Variants in LGALS9 observed in about 807,000 individuals in gnomAD.
The protein encoded by LGALS9 is galectin 9, also known as galectin-9.
Under a neutral mutation model 35.9 loss-of-function variants are expected in LGALS9, and 26 were observed. That is an observed-to-expected ratio of 0.72 (90% CI 0.53 to 1.01). LGALS9 has a LOEUF of 1.01. Ranked by LOEUF, LGALS9 falls within the 50% of genes least tolerant of loss-of-function variation. The pLI, the probability that LGALS9 is intolerant of heterozygous loss-of-function variation, is 0.00. For synonymous variants in LGALS9, 149 were observed against 172.2 expected (o/e 0.87, Z 1.06); for missense variants, 347 against 445.8 (o/e 0.78, Z 1.99).
At chr17:27,636,158 T>C (rs895329323) in intron 1 of LGALS9, among the ~76,000 whole-genome samples, 2 of 152,238 alleles carry the variant, frequency 1.3e-5, no homozygotes, top group Non-Finnish European at 2.9e-5. Context: ...CAGGGTTCTG[T>C]GTGGTCACAC....
At position 27,647,091 on chromosome 17, in the gene LGALS9, C is replaced by T. The variant is rs373382052; in HGVS notation, c.731C>T (p.Ser244Leu). Residue 244 changes from serine (S) to leucine (L), a missense_variant, in exon 9 of 11, where the codon TCA becomes TTA. Physicochemically the swap from Ser to Leu is moderately radical, Grantham distance 145. Coordinates refer to ENST00000395473, the MANE Select transcript of LGALS9 (RefSeq NM_009587.3). ...GLYPSKSILLSGTVLPSAQRF... is the reference protein window; with the variant it reads ...GLYPSKSILLLGTVLPSAQRF... The stretch of plus-strand genomic sequence containing the variant: ...TACCCATCCAAGTCCATCCTCCTGT[C>T]AGGCACTGTCCTGCCCAGTGCTCAG... 1 of 1,614,200 alleles carries T rather than the reference C, an allele frequency of 6.2e-7. No individual in the cohort carries two copies. The highest frequency in any genetic ancestry group is 1.1e-5 in the South Asian group (1 of 91,078).
chr17:27,646,084 G>T (rs1904918344), intron 7 of LGALS9, among the ~76,000 whole-genome samples, 173 bp downstream of exon 7: 2 of 152,184 alleles, frequency 1.3e-5, no homozygotes, highest in African/African-American at 4.8e-5. Flanking sequence ...CCTTGGGACA[G>T]CAGAGATTCT....
intron 3 of LGALS9, among the ~76,000 whole-genome samples, chr17:27,641,298 C>T (rs1039583655): frequency 2.0e-5 from 3 of 152,156 alleles, no homozygotes; most frequent in Non-Finnish European, 2.9e-5. Context: ...CTGAGGTCAC[C>T]TCTCCTCTGC....
chr17:27,648,660 GAAA>G (rs1158488938), intron 10 of LGALS9, among the ~76,000 whole-genome samples, 173 bp from the exon 11 acceptor site: 1 of 148,422 alleles, frequency 6.7e-6, no homozygotes, highest in Admixed American at 7.0e-5. Context: ...CAGTACAGGG[GAAA>G]GAGCACGCAC....
chr17:27,636,697 T>G (rs1356942072), intron 1 of LGALS9, among the ~76,000 whole-genome samples: 3 of 152,266 alleles, frequency 2.0e-5, no homozygotes, highest in East Asian at 3.9e-4. Flanking sequence ...GGCCTCAAAC[T>G]CCTGGGCTCA....
At chr17:27,634,044 CTT>C (rs1467772520) in intron 1 of LGALS9, among the ~76,000 whole-genome samples, 1 of 152,230 alleles carries the variant, frequency 6.6e-6, no homozygotes, top group African/African-American at 2.4e-5. Flanking sequence ...TCTGGACACA[CTT>C]ATCCAAATTC....
At position 27,643,627 on chromosome 17, in the gene LGALS9, T is replaced by C. The variant is rs568736130; in HGVS notation, c.540+7T>C. The C allele has an allele frequency of 2.4e-5, 39 of 1,609,194 alleles. No individual in the cohort carries two copies. Among genetic ancestry groups the C allele is most frequent in the Admixed American group, 2.0e-4 (12 of 59,816 alleles). On this transcript the variant is annotated splice_region_variant and intron_variant, in intron 5 of 10. Coordinates refer to ENST00000395473, the MANE Select transcript of LGALS9 (RefSeq NM_009587.3). ...CAGGGGGCGCAGACAAAAAGTGAGT[T>C]CAACACAGAGGCCCTGGGTGGCCGA...
At position 27,642,285 on chromosome 17, in the gene LGALS9, C is replaced by T. The variant is rs752445587; in HGVS notation, c.381C>T (p.Pro127=). 6.2e-7 allele frequency: 1 copy of T among 1,612,860 alleles called. No homozygotes were observed. Among genetic ancestry groups the T allele is most frequent in the Middle Eastern group, 1.9e-4 (1 of 5,302 alleles). ...ILFVQYFHRV[P]FHRVDTISVN... ...TCGTGCAGTACTTCCACCGCGTGCC[C>T]TTCCACCGTGTGGACACCATCTCCG... The change falls in exon 4 of 11, where the codon CCC becomes CCT. Residue 127 remains proline, a synonymous_variant. Transcript: ENST00000395473.
intron 3 of LGALS9, chr17:27,641,057 T>G: frequency 3.2e-6 from 2 of 628,634 alleles, no homozygotes; most frequent in Non-Finnish European, 6.0e-6. Context: ...TCCAAGCTCA[T>G]TCCATTCCTC....
intron 1 of LGALS9, among the ~76,000 whole-genome samples, chr17:27,631,900 G>A (rs1340318721): frequency 1.3e-5 from 2 of 152,146 alleles, no homozygotes; most frequent in Non-Finnish European, 2.9e-5. Context: ...AAGACCTCCC[G>A]AGGAGGTGTC....
chr17:27,639,926 CG>C (rs1904345011), intron 2 of LGALS9, among the ~76,000 whole-genome samples: 1 of 152,076 alleles, frequency 6.6e-6, no homozygotes, highest in Admixed American at 6.5e-5. Flanking sequence ...TTAGTCGAGA[CG>C]GGGTTTTACC....
chr17:27,646,658 G>T (rs572151013), intron 8 of LGALS9, 70 bp downstream of exon 8: 238 of 1,607,608 alleles, frequency 1.5e-4, no homozygotes, highest in Non-Finnish European at 1.9e-4. Flanking sequence ...GGGCCGCTGT[G>T]GGGGGATCCA....
intron 2 of LGALS9, 184 bp downstream of exon 2, chr17:27,638,538 G>C: frequency 5.4e-6 from 2 of 371,676 alleles, no homozygotes; most frequent in Non-Finnish European, 1.0e-5. Context: ...CTGCACCCAG[G>C]GGTGCCATTA....
rs762706168 is a variant in LGALS9 at position 27,647,283 on chromosome 17, C to T, written c.772C>T (p.Leu258=). 3.7e-6 allele frequency: 6 copies of T among 1,614,114 alleles called. 1 individual carries two copies. In the Admixed American group the frequency reaches 1.0e-4, roughly 27 times the overall value. ...LPSAQRFHIN[L]CSGNHIAFHL... ...TGCCCACCCCAGGTTCCACATCAAC[C>T]TGTGCTCTGGGAACCACATCGCCTT... Residue 258 remains leucine, a synonymous_variant, in exon 10 of 11, where the codon CTG becomes TTG. Transcript: ENST00000395473.
chr17:27,637,998 A>AAGCTC (rs1447652518), intron 1 of LGALS9, among the ~76,000 whole-genome samples: 3 of 152,074 alleles, frequency 2.0e-5, no homozygotes, highest in African/African-American at 7.2e-5. Flanking sequence ...ACTCTCACAC[A>AAGCTC]AGCTCAGCTC....
At chr17:27,643,450 CT>C (rs1041237350) in intron 4 of LGALS9, 74 bp from the exon 5 acceptor site, 2 of 1,597,520 alleles carry the variant, frequency 1.3e-6, no homozygotes, top group African/African-American at 2.7e-5. Context: ...CCTCTTGCCC[CT>C]GCCTCTGCCT....
At chr17:27,646,684 T>A in intron 8 of LGALS9, 96 bp downstream of exon 8, 1 of 1,579,136 alleles carries the variant, frequency 6.3e-7, no homozygotes. Context: ...CTTGAAAAAT[T>A]AAAAGCAGTC....
intron 5 of LGALS9, among the ~76,000 whole-genome samples, 162 bp downstream of exon 5, chr17:27,643,782 C>A (rs944395543): frequency 3.3e-5 from 5 of 152,180 alleles, no homozygotes; most frequent in African/African-American, 1.2e-4. Flanking sequence ...GAGCTGGGGA[C>A]CTGGGGGTCA....
intron 1 of LGALS9, among the ~76,000 whole-genome samples, chr17:27,633,977 A>G (rs1333306697): frequency 3.3e-5 from 5 of 152,234 alleles, no homozygotes; most frequent in African/African-American, 1.2e-4. Context: ...CCAGTGTGAA[A>G]ATCCATCCTC....
Sources: gnomAD v4.1 joint callset for allele counts (sites outside exome capture counted in the v4.1 genomes callset) on GRCh38, gnomAD v4.1.1 for gene constraint, MANE v1.5 for transcripts, NCBI Gene and HGNC (gene_info 2026-07-23, HGNC 2026-07-21) for gene names.